Variants in RBFOX1 observed in about 807,000 individuals in gnomAD.
RBFOX1 encodes the protein RNA binding fox-1 homolog 1, also known as RNA binding protein fox-1 homolog 1.
RBFOX1 carries 8 observed loss-of-function variants against 57.7 expected under a neutral mutation model. The observed-to-expected ratio is 0.14, with a 90% CI of 0.08 to 0.25. The LOEUF (loss-of-function observed/expected upper bound fraction) is 0.25, where lower values mean the gene tolerates loss of function less well. Ranked by LOEUF, RBFOX1 falls within the 10% of genes least tolerant of loss-of-function variation. The pLI, the probability that RBFOX1 is intolerant of heterozygous loss-of-function variation, is 1.00. For missense variants in RBFOX1, 611 were observed against 548.5 expected, an observed-to-expected ratio of 1.11 and a Z score of -1.14; for synonymous variants, 326 against 222.4, an observed-to-expected ratio of 1.47 and a Z score of -4.15.
chr16:7,544,341 G>A (rs186034165), intron 5 of RBFOX1, among the ~76,000 whole-genome samples: 9 of 152,300 alleles, frequency 5.9e-5, no homozygotes, highest in African/African-American at 2.2e-4. Context: ...TTAATGTACT[G>A]AGTGAATTAG....
intron 3 of RBFOX1, among the ~76,000 whole-genome samples, chr16:6,856,301 G>C (rs2057887421): frequency 6.6e-6 from 1 of 152,108 alleles, no homozygotes; most frequent in African/African-American, 2.4e-5. Flanking sequence ...GATGATGTAG[G>C]AGTTCTATTC....
At chr16:6,580,822 G>C (rs1291965487) in intron 2 of RBFOX1, among the ~76,000 whole-genome samples, 2 of 151,646 alleles carry the variant, frequency 1.3e-5, no homozygotes, top group African/African-American at 4.8e-5. Context: ...CAAAGACTAA[G>C]ACCCTCAAAA....
intron 3 of RBFOX1, among the ~76,000 whole-genome samples, chr16:6,945,712 G>GA (rs1189462102): frequency 1.3e-5 from 2 of 152,130 alleles, no homozygotes. Flanking sequence ...CCAACATGGT[G>GA]AAAACCCGTC....
intron 14 of RBFOX1, chr16:7,693,197 C>T (rs1478897997): frequency 1.3e-6 from 1 of 774,634 alleles, no homozygotes; most frequent in Non-Finnish European, 2.3e-6. Context: ...CATTTCCTCG[C>T]AACATCCATT....
intron 4 of RBFOX1, chr16:7,333,173 C>G: frequency 7.7e-7 from 1 of 1,304,642 alleles, no homozygotes; most frequent in Non-Finnish European, 1.1e-6. Flanking sequence ...AGAAAGCAAA[C>G]ACTTTTAATA....
chr16:5,284,755 G>GTTTTTTTTTTTT (rs2063350890), intron 1 of RBFOX1, among the ~76,000 whole-genome samples: 1 of 28,508 alleles, frequency 3.5e-5, no homozygotes, highest in Admixed American at 3.6e-4. Flanking sequence ...TTTTGGCTTA[G>GTTTTTTTTTTTT]ATTTTTTTTT....
At chr16:7,693,043 A>G (rs1017750555) in intron 14 of RBFOX1, among the ~76,000 whole-genome samples, 3 of 152,182 alleles carry the variant, frequency 2.0e-5, no homozygotes, top group South Asian at 2.1e-4. Context: ...CCTTAGAAAC[A>G]TATCCTGGCA....
chr16:5,333,551 C>T (rs1465679809), intron 1 of RBFOX1, among the ~76,000 whole-genome samples: 1 of 152,226 alleles, frequency 6.6e-6, no homozygotes, highest in African/African-American at 2.4e-5. Context: ...TGAAGCACAG[C>T]AGACGTAGAA....
chr16:5,274,354 C>T (rs1423608157), intron 1 of RBFOX1, among the ~76,000 whole-genome samples: 1 of 152,030 alleles, frequency 6.6e-6, no homozygotes, highest in Non-Finnish European at 1.5e-5. Flanking sequence ...CATGGTGAAA[C>T]CGTTTGTCTA....
intron 3 of RBFOX1, among the ~76,000 whole-genome samples, chr16:5,785,717 G>C (rs1478252534): frequency 6.6e-6 from 1 of 152,034 alleles, no homozygotes. Flanking sequence ...AATAGAGACA[G>C]GGTTTCTCCA....
chr16:7,325,783 C>T (rs2096603629), intron 4 of RBFOX1, among the ~76,000 whole-genome samples: 1 of 152,116 alleles, frequency 6.6e-6, no homozygotes, highest in Non-Finnish European at 1.5e-5. Flanking sequence ...CTTTTGTAGC[C>T]ATCCTCTCCT....
At chr16:5,249,718 C>A (rs1420339610) in intron 1 of RBFOX1, among the ~76,000 whole-genome samples, 21 of 152,184 alleles carry the variant, frequency 1.4e-4, no homozygotes, top group Admixed American at 1.2e-3. Context: ...CCTGTATTCC[C>A]AGCACTTTTG....
At chr16:6,853,147 A>C (rs1457354098) in intron 3 of RBFOX1, among the ~76,000 whole-genome samples, 1 of 152,148 alleles carries the variant, frequency 6.6e-6, no homozygotes, top group Non-Finnish European at 1.5e-5. Context: ...AAGCTGCTTA[A>C]CTTCTCTGAG....
At chr16:6,615,705 T>C (rs920774570) in intron 2 of RBFOX1, among the ~76,000 whole-genome samples, 14 of 152,250 alleles carry the variant, frequency 9.2e-5, no homozygotes, top group Middle Eastern at 3.4e-3. Flanking sequence ...AGAACATCAA[T>C]GCAAACACTT....
chr16:7,255,991 A>T (rs2094664133), intron 4 of RBFOX1, among the ~76,000 whole-genome samples: 1 of 152,110 alleles, frequency 6.6e-6, no homozygotes, highest in East Asian at 1.9e-4. Context: ...GTGTTAGTTT[A>T]TTGTCTCCTT....
intron 4 of RBFOX1, among the ~76,000 whole-genome samples, chr16:7,455,697 G>C (rs2058357613): frequency 7.0e-6 from 1 of 143,778 alleles, no homozygotes; most frequent in Non-Finnish European, 1.5e-5. Flanking sequence ...TGAGGTGGGA[G>C]AATTGCTTGA....
chr16:6,565,623 A>T (rs1159829327), intron 2 of RBFOX1, among the ~76,000 whole-genome samples: 1 of 149,966 alleles, frequency 6.7e-6, no homozygotes, highest in African/African-American at 2.5e-5. Flanking sequence ...GCCTGCTACC[A>T]CGCCTGGCTA....
rs116890297 is a variant in RBFOX1 at position 7,482,071 on chromosome 16, G to A, written c.28-36076G>A. The stretch of plus-strand genomic sequence containing the variant: ...TTGCCTACAAATCAAGCCGTGCAGC[G>A]TCCACACCTAGCAAGGGCTAGTGAT... On this transcript the variant is annotated intron_variant, in intron 4 of 15. Coordinates refer to ENST00000550418, the MANE Select transcript of RBFOX1 (RefSeq NM_018723.4). Among the ~76,000 whole-genome samples the A allele has an allele frequency of 4.3e-3, 652 of 152,308 alleles. 20 individuals are homozygous for A. Among genetic ancestry groups the A allele is most frequent in the Admixed American group, 0.033 (511 of 15,298 alleles).
At chr16:6,696,199 T>C (rs1369178149) in intron 3 of RBFOX1, among the ~76,000 whole-genome samples, 1 of 152,224 alleles carries the variant, frequency 6.6e-6, no homozygotes, top group Non-Finnish European at 1.5e-5. Context: ...CTAGTTGATA[T>C]AATAAATATG....
Sources: gnomAD v4.1 joint callset for allele counts (sites outside exome capture counted in the v4.1 genomes callset) on GRCh38, gnomAD v4.1.1 for gene constraint, MANE v1.5 for transcripts, NCBI Gene and HGNC (gene_info 2026-07-23, HGNC 2026-07-21) for gene names.